The following CES1 variants were observed in gnomAD, a reference collection of about 807,000 sequenced individuals.
CES1 encodes liver carboxylesterase 1.
A neutral mutation model predicts 53.0 loss-of-function variants in CES1; 50 were observed. That is an observed-to-expected ratio of 0.94 (90% CI 0.75 to 1.19). The LOEUF is 1.19. Ranked by LOEUF, CES1 falls within the 50% of genes most tolerant of loss-of-function variation. The pLI is 0.00. For missense variants in CES1, 534 were observed against 538.0 expected (o/e 0.99, Z 0.07); for synonymous variants, 202 against 210.1 (o/e 0.96, Z 0.33).
At chr16:55,813,080 C>G in intron 8 of CES1, 37 bp from the exon 9 acceptor site, 1 of 1,612,880 alleles carries the variant, frequency 6.2e-7, no homozygotes, top group South Asian at 1.1e-5. Flanking sequence ...TGATTCCCTC[C>G]CTAGTCACAC....
intron 2 of CES1, chr16:55,827,793 A>C (rs1277970856): frequency 1.3e-5 from 2 of 152,196 alleles, no homozygotes; most frequent in Non-Finnish European, 2.9e-5. Context: ...AGGCATCCAA[A>C]TTATCTCAAT....
At chr16:55,826,085 A>T in intron 3 of CES1, 66 bp downstream of exon 3, 1 of 1,606,448 alleles carries the variant, frequency 6.2e-7, no homozygotes, top group Non-Finnish European at 8.5e-7. Flanking sequence ...ACTCCCTTCC[A>T]TTCTGCCCCA....
At chr16:55,812,300 G>A (rs550222347) in intron 9 of CES1, 2 of 156,408 alleles carry the variant, frequency 1.3e-5, no homozygotes, top group Non-Finnish European at 2.8e-5. Flanking sequence ...GGGTAATTTG[G>A]GTCTCTGGAG....
At chr16:55,814,313 G>A (rs1454468898) in intron 8 of CES1, among the ~76,000 whole-genome samples, 2 of 152,240 alleles carry the variant, frequency 1.3e-5, no homozygotes, top group African/African-American at 4.8e-5. Context: ...CCCAACTCAT[G>A]TGTTGCCATC....
chr16:55,815,650 T>A (rs1273224051), intron 8 of CES1, among the ~76,000 whole-genome samples: 1 of 152,094 alleles, frequency 6.6e-6, no homozygotes, highest in East Asian at 1.9e-4. Context: ...TTCAAAGATA[T>A]CCAGACTCCA....
chr16:55,813,495 C>T (rs201145162), intron 8 of CES1, among the ~76,000 whole-genome samples: 2 of 152,080 alleles, frequency 1.3e-5, no homozygotes, highest in East Asian at 1.9e-4. Flanking sequence ...ACATTTTCAT[C>T]AACCTTCTTT....
At chr16:55,825,562 G>A (rs1490616266) in intron 3 of CES1, among the ~76,000 whole-genome samples, 4 of 152,246 alleles carry the variant, frequency 2.6e-5, no homozygotes, top group African/African-American at 9.6e-5. Flanking sequence ...AGAGCTTCTG[G>A]GATTGTCCAG....
intron 11 of CES1, among the ~76,000 whole-genome samples, chr16:55,809,707 G>T (rs75473591): frequency 0.012 from 1,785 of 152,250 alleles, 32 homozygotes; most frequent in African/African-American, 0.041. Context: ...TCCCACACCC[G>T]CCCTGGCTCC....
In CES1 at chr16:55,812,934, T is replaced by C; in HGVS notation, c.1055A>G (p.Asn352Ser). The change falls in exon 9 of 14, where the codon AAC (asparagine) becomes AGC (serine). Residue 352 changes from asparagine to serine, a missense_variant. Physicochemically the swap from Asn to Ser is conservative, Grantham distance 46 (BLOSUM62 1). This residue lies in a region of CES1 where 269 missense variants were observed against 206.6 expected (regional missense o/e 1.30). Coordinates refer to ENST00000360526, the MANE Select transcript of CES1 (RefSeq NM_001025195.2). ...FHTVPYMVGI[N>S]KQEFGWLIPM... ...AATCAACCAGCCAAACTCCTGCTTGTTAATTCCGACCATGTAGGGGACAGT... is the reference window on the plus strand; with the variant it reads ...AATCAACCAGCCAAACTCCTGCTTGCTAATTCCGACCATGTAGGGGACAGT... The C allele has an allele frequency of 6.2e-7, 1 of 1,614,150 alleles. No homozygotes were observed. The highest frequency in any genetic ancestry group is 8.5e-7 in the Non-Finnish European group (1 of 1,180,004).
At chr16:55,825,134 C>T (rs1325188433) in intron 3 of CES1, among the ~76,000 whole-genome samples, 1 of 152,170 alleles carries the variant, frequency 6.6e-6, no homozygotes, top group Admixed American at 6.5e-5. Flanking sequence ...CCTGAAGCCC[C>T]AGGTCTAACT....
At chr16:55,826,395 G>A in intron 2 of CES1, 100 bp from the exon 3 acceptor site, 1 of 1,412,266 alleles carries the variant, frequency 7.1e-7, no homozygotes. Context: ...CCTGGAAATG[G>A]ACTTGATAGT....
At position 55,821,398 on chromosome 16, in the gene CES1, C is replaced by T. The variant is rs772005595; in HGVS notation, c.663G>A (p.Glu221=). 1.2e-6 allele frequency: 2 copies of T among 1,614,206 alleles called. No homozygotes were observed. The highest frequency in any genetic ancestry group is 1.7e-6 in the Non-Finnish European group (2 of 1,180,042). Residue 221 remains glutamate, a synonymous_variant, in exon 5 of 14, where the codon GAG becomes GAA. Transcript: ENST00000360526. ...CAGAGACACTTTCTCCTCCCGCTGA[C>T]TCTCCAAAGATGGTCACAGAGCCTG... The part of the protein sequence containing the change: ...GNPGSVTIFG[E]SAGGESVSVL...
At chr16:55,813,877 A>G (rs2031816727) in intron 8 of CES1, among the ~76,000 whole-genome samples, 1 of 152,272 alleles carries the variant, frequency 6.6e-6, no homozygotes, top group Non-Finnish European at 1.5e-5. Context: ...AACATCAGAG[A>G]TGAAACAAGA....
intron 8 of CES1, among the ~76,000 whole-genome samples, chr16:55,813,325 A>G (rs2031788454): frequency 6.6e-6 from 1 of 152,190 alleles, no homozygotes; most frequent in African/African-American, 2.4e-5. Context: ...ATATATTTCA[A>G]TTTGAAGTGC....
intron 3 of CES1, among the ~76,000 whole-genome samples, chr16:55,825,099 G>A (rs572135223): frequency 6.6e-6 from 1 of 152,344 alleles, no homozygotes; most frequent in African/African-American, 2.4e-5. Flanking sequence ...GGGGCTGTGT[G>A]GAGTGGATTC....
intron 11 of CES1, 67 bp downstream of exon 11, chr16:55,810,450 A>AGG: frequency 6.3e-7 from 1 of 1,591,562 alleles, no homozygotes; most frequent in African/African-American, 1.3e-5. Context: ...CTATGCTGGG[A>AGG]GGTAGGTGGG....
At chr16:55,816,810 A>G in intron 8 of CES1, 114 bp downstream of exon 8, 2 of 1,306,084 alleles carry the variant, frequency 1.5e-6, no homozygotes, top group Non-Finnish European at 2.2e-6. Context: ...CCTCAGAAAC[A>G]AACACGCAGG....
At chr16:55,817,009 A>C in intron 7 of CES1, 47 bp from the exon 8 acceptor site, 1 of 1,607,700 alleles carries the variant, frequency 6.2e-7, no homozygotes, top group Non-Finnish European at 8.5e-7. Flanking sequence ...TTACCAGGAG[A>C]ACACTGAGCT....
chr16:55,829,250 T>TC (rs1211872703), intron 1 of CES1, among the ~76,000 whole-genome samples: 2 of 152,158 alleles, frequency 1.3e-5, no homozygotes, highest in Non-Finnish European at 2.9e-5. Context: ...ACATTTAGCT[T>TC]CCCCCTTAGA....
Sources: gnomAD v4.1 joint callset for allele counts (sites outside exome capture counted in the v4.1 genomes callset) on GRCh38, gnomAD v4.1.1 for gene constraint, gnomAD v4.1.1 regional missense constraint, MANE v1.5 for transcripts, NCBI Gene and HGNC (gene_info 2026-07-23, HGNC 2026-07-21) for gene names.